The following SEC14L5 variants were observed in gnomAD, a reference collection of about 807,000 sequenced individuals.
The protein encoded by SEC14L5 is SEC14 like lipid binding 5, also known as SEC14-like protein 5.
Under a neutral mutation model 84.6 loss-of-function variants are expected in SEC14L5, and 96 were observed. The ratio of observed to expected loss-of-function variants is 1.13; its 90% CI spans 0.96 to 1.34. The LOEUF is 1.34. Among genes scored for constraint, SEC14L5 ranks in the 40% most tolerant of loss-of-function variants. The probability of loss-of-function intolerance (pLI) is 0.00; values close to 1 mark genes in which losing one functional copy is unlikely to be tolerated. For missense variants in SEC14L5, 1,224 were observed against 942.5 expected (o/e 1.30, Z -3.91); for synonymous variants, 546 against 383.4 (o/e 1.42, Z -4.95).
intron 2 of SEC14L5, among the ~76,000 whole-genome samples, chr16:4,974,785 A>G (rs966184115): frequency 2.0e-5 from 3 of 151,204 alleles, no homozygotes; most frequent in Admixed American, 6.6e-5. Context: ...ATCCTCATAT[A>G]TATATATTTT....
At chr16:4,967,571 T>G (rs1051769542) in intron 2 of SEC14L5, among the ~76,000 whole-genome samples, 1 of 129,208 alleles carries the variant, frequency 7.7e-6, no homozygotes, top group South Asian at 2.8e-4. Context: ...CGTTTTTTTT[T>G]TTTTTTTTTT....
In SEC14L5 at chr16:5,011,206, C is replaced by G. The variant is rs373628800; in HGVS notation, c.1912C>G (p.Leu638Val). The change falls in exon 15 of 16, where the codon CTG becomes GTG. Residue 638 changes from leucine to valine, a missense_variant. Leu to Val is a conservative substitution (Grantham distance 32, BLOSUM62 1). Coordinates refer to ENST00000251170, the MANE Select transcript of SEC14L5 (RefSeq NM_014692.2). ...GGGTGTGGACGATGTCCTGACGGCT[C>G]TGCACAGCCCCGGGCCCAAGTGCAA... Reference protein sequence around the residue: ...LPGVDDVLTALHSPGPKCKLL... With the variant: ...LPGVDDVLTAVHSPGPKCKLL... 1.2e-6 allele frequency: 2 copies of G among 1,613,724 alleles called. No homozygotes were observed. The highest frequency in any genetic ancestry group is 8.5e-7 in the Non-Finnish European group (1 of 1,179,884).
At chr16:4,966,267 CTTTTTTTT>C (rs1019686741) in intron 2 of SEC14L5, among the ~76,000 whole-genome samples, 1 of 78,770 alleles carries the variant, frequency 1.3e-5, no homozygotes, top group Non-Finnish European at 2.4e-5. Context: ...CGCCCGGCCT[CTTTTTTTT>C]TTTTTTTTTT....
intron 8 of SEC14L5, among the ~76,000 whole-genome samples, 195 bp downstream of exon 8, chr16:4,997,239 C>T (rs976549968): frequency 6.6e-6 from 1 of 152,212 alleles, no homozygotes; most frequent in Non-Finnish European, 1.5e-5. Flanking sequence ...GCTGGGATTA[C>T]AGGCACCCGC....
In SEC14L5 at chr16:5,007,478, C is replaced by T. The variant is rs781126094; in HGVS notation, c.1564C>T (p.Pro522Ser). The change falls in exon 13 of 16, where the codon CCC becomes TCC. Residue 522 changes from proline to serine, a missense_variant. Pro to Ser is a moderately conservative substitution (Grantham distance 74). Transcript: ENST00000251170. ...YHSASVLRGA[P>S]HEVAVEILEG... Reference sequence around the variant, plus strand: ...TTCAGCCAGCGTGCTCCGCGGAGCCCCCCACGAGGTGCCAGGGCCTGGCCG... The same window carrying T: ...TTCAGCCAGCGTGCTCCGCGGAGCCTCCCACGAGGTGCCAGGGCCTGGCCG... 35 of 1,613,252 alleles carry T rather than the reference C, an allele frequency of 2.2e-5. No individual in the cohort carries two copies. Among genetic ancestry groups the T allele is most frequent in the East Asian group, 8.9e-5 (4 of 44,874 alleles).
intron 15 of SEC14L5, 146 bp downstream of exon 15, chr16:5,011,419 C>CAA: frequency 1.4e-6 from 1 of 723,248 alleles, no homozygotes; most frequent in Non-Finnish European, 2.3e-6. Flanking sequence ...TCTCAGGTGA[C>CAA]ACAGCCCCGC....
At chr16:4,999,966 T>C (rs1259498790) in intron 8 of SEC14L5, among the ~76,000 whole-genome samples, 1 of 151,712 alleles carries the variant, frequency 6.6e-6, no homozygotes, top group Non-Finnish European at 1.5e-5. Context: ...AAACACCACA[T>C]AAAACAAGGT....
intron 10 of SEC14L5, among the ~76,000 whole-genome samples, chr16:5,001,413 C>G (rs1354721508): frequency 6.6e-6 from 1 of 152,090 alleles, no homozygotes; most frequent in Non-Finnish European, 1.5e-5. Context: ...CACCCGCCAC[C>G]ACGCCTGACT....
intron 15 of SEC14L5, among the ~76,000 whole-genome samples, chr16:5,012,840 A>C (rs1216180197): frequency 6.6e-6 from 1 of 151,710 alleles, no homozygotes; most frequent in Admixed American, 6.6e-5. Flanking sequence ...GATTGCAGTG[A>C]GCTGAGATCG....
At chr16:5,001,775 C>CTT (rs907310362) in intron 10 of SEC14L5, among the ~76,000 whole-genome samples, 1 of 149,232 alleles carries the variant, frequency 6.7e-6, no homozygotes, top group Admixed American at 6.7e-5. Context: ...TGTAAAGTGG[C>CTT]TTTTTTTTTT....
At chr16:4,962,963 G>T (rs6500647) in intron 2 of SEC14L5, among the ~76,000 whole-genome samples, 88,793 of 152,102 alleles carry the variant, frequency 0.58, 27,054 homozygotes, top group East Asian at 0.79. Context: ...TCTTTGTTTC[G>T]CAGTTAAACA....
At chr16:5,011,802 T>C (rs1955808213) in intron 15 of SEC14L5, among the ~76,000 whole-genome samples, 1 of 152,054 alleles carries the variant, frequency 6.6e-6, no homozygotes, top group Admixed American at 6.6e-5. Flanking sequence ...CCCAGTCTTG[T>C]GGGTTTGTCA....
At chr16:4,986,105 T>G (rs1010794774) in intron 2 of SEC14L5, among the ~76,000 whole-genome samples, 2 of 152,006 alleles carry the variant, frequency 1.3e-5, no homozygotes, top group Non-Finnish European at 2.9e-5. Context: ...TTTCTCCACA[T>G]CCTCACCAAC....
intron 11 of SEC14L5, among the ~76,000 whole-genome samples, chr16:5,005,696 C>G (rs151123933): frequency 5.9e-4 from 90 of 151,378 alleles, no homozygotes; most frequent in African/African-American, 2.2e-3. Flanking sequence ...CCCGTCTGTA[C>G]TAAAAATACA....
At chr16:4,970,950 A>G (rs1196988931) in intron 2 of SEC14L5, among the ~76,000 whole-genome samples, 2 of 152,204 alleles carry the variant, frequency 1.3e-5, no homozygotes, top group Non-Finnish European at 2.9e-5. Flanking sequence ...TCTACTAAAA[A>G]TACAAAAATT....
At chr16:4,986,334 T>C (rs1955486960) in intron 2 of SEC14L5, among the ~76,000 whole-genome samples, 1 of 152,128 alleles carries the variant, frequency 6.6e-6, no homozygotes, top group Non-Finnish European at 1.5e-5. Flanking sequence ...GAGATGGGGT[T>C]TCACCATGTT....
intron 4 of SEC14L5, among the ~76,000 whole-genome samples, chr16:4,989,834 C>T (rs1008740947): frequency 5.9e-5 from 9 of 152,074 alleles, no homozygotes; most frequent in Admixed American, 1.3e-4. Flanking sequence ...TTGCGAAATG[C>T]AGATTCCTGG....
intron 14 of SEC14L5, among the ~76,000 whole-genome samples, chr16:5,009,119 C>T (rs1271654058): frequency 6.6e-6 from 1 of 152,196 alleles, no homozygotes; most frequent in Non-Finnish European, 1.5e-5. Context: ...GGGGTTCATT[C>T]TATGCCTCTG....
At chr16:4,966,075 T>TA (rs1568102683) in intron 2 of SEC14L5, among the ~76,000 whole-genome samples, 2 of 152,076 alleles carry the variant, frequency 1.3e-5, no homozygotes, top group African/African-American at 4.8e-5. Context: ...TTAAAAATGT[T>TA]AAAAATATTT....
Sources: gnomAD v4.1 joint callset for allele counts (sites outside exome capture counted in the v4.1 genomes callset) on GRCh38, gnomAD v4.1.1 for gene constraint, MANE v1.5 for transcripts, NCBI Gene and HGNC (gene_info 2026-07-23, HGNC 2026-07-21) for gene names.